The following DLG2 variants were observed in gnomAD, a reference collection of about 807,000 sequenced individuals.
DLG2 encodes the protein disks large homolog 2.
DLG2 carries 45 observed loss-of-function variants against 132.5 expected under a neutral mutation model. The ratio of observed to expected loss-of-function variants is 0.34; its 90% CI spans 0.27 to 0.44. DLG2 has a LOEUF of 0.44. DLG2 is among the 20% of genes least tolerant of loss of function. The pLI is 1.00. For missense variants in DLG2, 1,045 were observed against 1,196.9 expected (o/e 0.87, Z 1.87); for synonymous variants, 424 against 419.6 (o/e 1.01, Z -0.13).
intron 6 of DLG2, among the ~76,000 whole-genome samples, chr11:85,079,751 A>C (rs1000062890): frequency 7.9e-5 from 12 of 151,966 alleles, no homozygotes; most frequent in African/African-American, 2.9e-4. Flanking sequence ...AAAGCCAACA[A>C]ATTAGCCAGC....
intron 6 of DLG2, among the ~76,000 whole-genome samples, chr11:85,057,208 T>C (rs913967304): frequency 4.8e-5 from 7 of 145,750 alleles, no homozygotes; most frequent in African/African-American, 1.7e-4. Flanking sequence ...AGGAAGAAGA[T>C]AATTAAGATG....
intron 5 of DLG2, among the ~76,000 whole-genome samples, chr11:85,123,169 G>A (rs905905211): frequency 1.3e-5 from 2 of 150,880 alleles, no homozygotes; most frequent in Non-Finnish European, 3.0e-5. Context: ...AGTGAAAACG[G>A]GGTTTCACCG....
intron 7 of DLG2, chr11:84,317,315 A>T (rs2098370872): frequency 7.0e-7 from 1 of 1,433,412 alleles, no homozygotes; most frequent in Admixed American, 2.9e-5. Context: ...GAGCAGCGAC[A>T]GCAGCTCCGC....
At chr11:85,584,472 T>A (rs1386162715) in intron 3 of DLG2, among the ~76,000 whole-genome samples, 1 of 152,128 alleles carries the variant, frequency 6.6e-6, no homozygotes, top group Admixed American at 6.6e-5. Flanking sequence ...TAGACATGCA[T>A]GTGCAAGTGT....
intron 6 of DLG2, among the ~76,000 whole-genome samples, chr11:84,906,793 C>G (rs972405233): frequency 8.5e-5 from 13 of 152,224 alleles, no homozygotes; most frequent in Admixed American, 6.5e-4. Context: ...ATCTCCTATC[C>G]TGACATAGCT....
chr11:84,308,592 G>A (rs1488670262), intron 7 of DLG2, among the ~76,000 whole-genome samples: 1 of 152,206 alleles, frequency 6.6e-6, no homozygotes, highest in East Asian at 1.9e-4. Context: ...TGGGTGCCGT[G>A]GAGCAGGGGG....
At chr11:84,092,939 G>GGCAGAAGAATCGCTTGAAC (rs1378922952) in intron 10 of DLG2, among the ~76,000 whole-genome samples, 2 of 151,740 alleles carry the variant, frequency 1.3e-5, no homozygotes, top group East Asian at 3.9e-4. Flanking sequence ...AAGAGGCTGA[G>GGCAGAAGAATCGCTTGAAC]GCAGAAGAAT....
At chr11:83,593,841 G>GA (rs547631874) in intron 19 of DLG2, among the ~76,000 whole-genome samples, 20 of 149,210 alleles carry the variant, frequency 1.3e-4, no homozygotes, top group Middle Eastern at 3.4e-3. Context: ...CTCACTGCTT[G>GA]AAAAAAAAAG....
intron 6 of DLG2, among the ~76,000 whole-genome samples, chr11:84,538,643 T>C (rs2099361159): frequency 6.6e-6 from 1 of 151,982 alleles, no homozygotes; most frequent in Admixed American, 6.6e-5. Context: ...CATGCACACA[T>C]GAAATCTCAT....
intron 3 of DLG2, among the ~76,000 whole-genome samples, chr11:85,376,283 T>C (rs1167274434): frequency 2.0e-5 from 3 of 152,172 alleles, no homozygotes; most frequent in Non-Finnish European, 2.9e-5. Flanking sequence ...AAGCAGTATT[T>C]GAATTTGGGC....
intron 4 of DLG2, among the ~76,000 whole-genome samples, chr11:85,190,612 G>T (rs1249797556): frequency 6.6e-6 from 1 of 152,028 alleles, no homozygotes; most frequent in Non-Finnish European, 1.5e-5. Context: ...TTGATAGATT[G>T]CTAGCTAGAT....
chr11:84,380,700 A>G (rs535325112), intron 7 of DLG2, among the ~76,000 whole-genome samples: 259 of 152,140 alleles, frequency 1.7e-3, no homozygotes, highest in Non-Finnish European at 3.3e-3. Flanking sequence ...AAAGTTGGGA[A>G]GAAGACTGTA....
chr11:84,376,742 A>C (rs2098730878), intron 7 of DLG2, among the ~76,000 whole-genome samples: 3 of 151,916 alleles, frequency 2.0e-5, no homozygotes, highest in Admixed American at 2.0e-4. Context: ...TCAGCACAGG[A>C]GGTAGCTAGA....
chr11:84,826,975 G>C (rs543180514), intron 6 of DLG2, among the ~76,000 whole-genome samples: 2 of 151,896 alleles, frequency 1.3e-5, no homozygotes, highest in South Asian at 4.1e-4. Flanking sequence ...CTGTGTGACA[G>C]GGGAGAGACT....
intron 6 of DLG2, among the ~76,000 whole-genome samples, chr11:85,028,158 A>C (rs2060695343): frequency 1.3e-5 from 2 of 152,150 alleles, no homozygotes; most frequent in African/African-American, 4.8e-5. Flanking sequence ...TTCTGCAGGC[A>C]GGTTGTCCTG....
chr11:85,339,307 C>T (rs1229430684), intron 3 of DLG2, among the ~76,000 whole-genome samples: 2 of 152,164 alleles, frequency 1.3e-5, no homozygotes, highest in Non-Finnish European at 2.9e-5. Flanking sequence ...AGAAACCATG[C>T]TATAATGAAT....
chr11:83,834,332 T>A (rs1413551171), intron 16 of DLG2, among the ~76,000 whole-genome samples: 3 of 152,128 alleles, frequency 2.0e-5, no homozygotes, highest in Non-Finnish European at 4.4e-5. Flanking sequence ...AGCACAGATA[T>A]GATCGGAGGT....
chr11:85,436,479 T>C (rs1343926967), intron 3 of DLG2, among the ~76,000 whole-genome samples: 1 of 151,250 alleles, frequency 6.6e-6, no homozygotes, highest in Non-Finnish European at 1.5e-5. Context: ...AACAAACAAC[T>C]CCATTCAAAA....
At chr11:85,348,327 A>G (rs938805759) in intron 3 of DLG2, among the ~76,000 whole-genome samples, 2 of 151,280 alleles carry the variant, frequency 1.3e-5, no homozygotes, top group African/African-American at 4.9e-5. Flanking sequence ...GGTTCAAGTG[A>G]TTCTTCAGCT....
Sources: gnomAD v4.1 joint callset for allele counts (sites outside exome capture counted in the v4.1 genomes callset) on GRCh38, gnomAD v4.1.1 for gene constraint, MANE v1.5 for transcripts, NCBI Gene and HGNC (gene_info 2026-07-23, HGNC 2026-07-21) for gene names.